PTPRT: variants seen among roughly 807,000 people sequenced by gnomAD.
PTPRT encodes the protein protein tyrosine phosphatase receptor type T.
PTPRT carries 56 observed loss-of-function variants against 176.8 expected under a neutral mutation model. The observed-to-expected ratio is 0.32, with a 90% CI of 0.26 to 0.40. The LOEUF (loss-of-function observed/expected upper bound fraction) is 0.40, where lower values mean the gene tolerates loss of function less well. Ranked by LOEUF, PTPRT falls within the 10% of genes least tolerant of loss-of-function variation. The pLI, the probability that PTPRT is intolerant of heterozygous loss-of-function variation, is 1.00. For missense variants in PTPRT, 1,540 were observed against 1,908.2 expected (o/e 0.81, Z 3.60); for synonymous variants, 783 against 739.0 (o/e 1.06, Z -0.96).
chr20:42,815,129 T>C (rs1049598583), intron 2 of PTPRT, among the ~76,000 whole-genome samples: 3 of 152,230 alleles, frequency 2.0e-5, no homozygotes, highest in African/African-American at 7.2e-5. Flanking sequence ...TATTCACTGA[T>C]GTTTTTGTAG....
At chr20:42,842,135 C>G (rs1003291225) in intron 2 of PTPRT, among the ~76,000 whole-genome samples, 1 of 152,228 alleles carries the variant, frequency 6.6e-6, no homozygotes, top group African/African-American at 2.4e-5. Context: ...AATCAGAAAA[C>G]TCCTGTATTC....
intron 7 of PTPRT, among the ~76,000 whole-genome samples, chr20:42,486,752 A>G (rs1045119508): frequency 8.5e-5 from 13 of 152,140 alleles, no homozygotes; most frequent in African/African-American, 3.1e-4. Flanking sequence ...ATGTATGCTT[A>G]TTCTACAAAC....
rs1983209675 is a variant in PTPRT, at chr20:42,080,463, G to A, written c.*416C>T. ...GCCTCAATCTTTTCCATGACGTAGA[G>A]GAGCAGAACACACATCTCCTCCACT... is the stretch of plus-strand genomic sequence containing the variant. On this transcript the variant is annotated 3_prime_UTR_variant, in exon 31 of 31. Transcript: ENST00000373187. 1.7e-5 allele frequency: 4 copies of A among 241,374 alleles called. No homozygotes were observed. Among genetic ancestry groups the A allele is most frequent in the Non-Finnish European group, 3.2e-5 (4 of 123,542 alleles). 15.0% of individuals were successfully genotyped at this position (241,374 alleles called of 1,614,324 possible). A position where few individuals can be genotyped will look rare whatever the true frequency, so the allele number is the denominator to read the frequency against.
chr20:42,269,943 C>T (rs930585960), intron 13 of PTPRT, among the ~76,000 whole-genome samples: 6 of 152,144 alleles, frequency 3.9e-5, no homozygotes, highest in African/African-American at 1.2e-4. Flanking sequence ...GCTCAGCTGT[C>T]GCTTCCCCTG....
rs970186428 is a variant in PTPRT, at chr20:42,529,778, C to T, written c.1154-57216G>A. On this transcript the variant is annotated intron_variant, in intron 7 of 30. Coordinates refer to ENST00000373187, the MANE Select transcript of PTPRT (RefSeq NM_007050.6). ...CTGGGATTACAGGGGTGAGCCACTA[C>T]GCCTGGCCTCAAAGTAAATTTTAAA... Among the ~76,000 whole-genome samples, 8 of 150,422 alleles carry T rather than the reference C, an allele frequency of 5.3e-5. No homozygotes were observed. The South Asian group carries it at 6.3e-4, about 12-fold the overall frequency.
At chr20:42,307,071 G>A (rs1372285984) in intron 12 of PTPRT, among the ~76,000 whole-genome samples, 2 of 152,154 alleles carry the variant, frequency 1.3e-5, no homozygotes, top group African/African-American at 4.8e-5. Context: ...AGAATATGAA[G>A]GGGAGGCTTA....
chr20:42,578,902 T>TTGG (rs1555882870), intron 7 of PTPRT, among the ~76,000 whole-genome samples: 4 of 139,782 alleles, frequency 2.9e-5, no homozygotes, highest in African/African-American at 1.1e-4. Context: ...TTTTTTTTTT[T>TTGG]GGGGGGGGGT....
intron 16 of PTPRT, among the ~76,000 whole-genome samples, chr20:42,163,594 A>G (rs1445289711): frequency 6.6e-6 from 1 of 152,240 alleles, no homozygotes; most frequent in Non-Finnish European, 1.5e-5. Flanking sequence ...GGCAATGCAG[A>G]CAGAAATACT....
At chr20:43,083,719 CA>C (rs1022924500) in intron 1 of PTPRT, among the ~76,000 whole-genome samples, 2 of 152,024 alleles carry the variant, frequency 1.3e-5, no homozygotes, top group African/African-American at 4.8e-5. Context: ...ACCATCACCA[CA>C]ATACAGTTTT....
In PTPRT at chr20:42,884,346, A is replaced by G. The variant is rs976136904; in HGVS notation, c.214+1461T>C. On this transcript the variant is annotated intron_variant, in intron 2 of 30. Transcript: ENST00000373187. Reference sequence around the variant, plus strand: ...AATTTATACAATTAATGCCCTTAATAGGAGCTATCCATAACCATCCAGTGC... The same window carrying G: ...AATTTATACAATTAATGCCCTTAATGGGAGCTATCCATAACCATCCAGTGC... 6.6e-5 allele frequency among the ~76,000 whole-genome samples: 10 copies of G among 152,182 alleles called. No individual in the cohort carries two copies. The South Asian group carries it at 2.1e-3, about 31-fold the overall frequency.
At chr20:42,127,685 G>C (rs1182003104) in intron 19 of PTPRT, among the ~76,000 whole-genome samples, 1 of 152,162 alleles carries the variant, frequency 6.6e-6, no homozygotes, top group African/African-American at 2.4e-5. Context: ...GAGGTCCTGA[G>C]ATGCATGGCT....
At chr20:42,681,224 T>C (rs1259212205) in intron 6 of PTPRT, among the ~76,000 whole-genome samples, 1 of 152,134 alleles carries the variant, frequency 6.6e-6, no homozygotes, top group Admixed American at 6.5e-5. Flanking sequence ...GAAGACAGTA[T>C]AGGAAATGTA....
rs534817327 is a variant in PTPRT at position 42,698,693 on chromosome 20, T to C, written c.860-20534A>G. Among the ~76,000 whole-genome samples, 7 of 152,260 alleles carry C rather than the reference T, an allele frequency of 4.6e-5. No homozygotes were observed. The South Asian group carries it at 8.3e-4, about 18-fold the overall frequency. On this transcript the variant is annotated intron_variant, in intron 6 of 30. Coordinates refer to ENST00000373187, the MANE Select transcript of PTPRT (RefSeq NM_007050.6). ...AATATGCAGCCAAGTTGGAGAAACA[T>C]TGGGAGGCATCATTTATTCATTCAT...
chr20:42,682,789 C>G (rs1327751797), intron 6 of PTPRT, among the ~76,000 whole-genome samples: 2 of 152,136 alleles, frequency 1.3e-5, no homozygotes, highest in African/African-American at 4.8e-5. Context: ...GTGAAGTGAC[C>G]CCTTCCTGTA....
chr20:42,636,511 T>C (rs972454633), intron 7 of PTPRT, among the ~76,000 whole-genome samples: 6 of 152,044 alleles, frequency 3.9e-5, no homozygotes, highest in African/African-American at 1.4e-4. Context: ...ATGGGCCAGA[T>C]GCAGTGGCTC....
At chr20:42,870,877 G>C (rs1174806832) in intron 2 of PTPRT, among the ~76,000 whole-genome samples, 1 of 151,868 alleles carries the variant, frequency 6.6e-6, no homozygotes, top group South Asian at 2.1e-4. Context: ...CCACCCTAAT[G>C]GGTGTAAGGT....
chr20:42,596,349 C>T (rs1331802502), intron 7 of PTPRT, among the ~76,000 whole-genome samples: 2 of 152,198 alleles, frequency 1.3e-5, no homozygotes, highest in African/African-American at 4.8e-5. Context: ...TTTGCAGTTC[C>T]TAACGTATTA....
At chr20:42,760,380 CT>C (rs754362528) in intron 5 of PTPRT, among the ~76,000 whole-genome samples, 2,435 of 94,136 alleles carry the variant, frequency 0.026, 71 homozygotes, top group African/African-American at 0.093. Flanking sequence ...TCTAAATCTG[CT>C]TTTTTTTTTT....
intron 2 of PTPRT, among the ~76,000 whole-genome samples, chr20:42,883,704 A>ACCCCC (rs1568658118): frequency 6.6e-5 from 9 of 136,496 alleles, no homozygotes; most frequent in African/African-American, 2.5e-4. Context: ...CCTCCCATAC[A>ACCCCC]CCCCCATACA....
Sources: allele counts gnomAD v4.1 joint callset (sites outside exome capture counted in the v4.1 genomes callset), GRCh38; gene constraint gnomAD v4.1.1; transcripts MANE v1.5; gene names NCBI Gene and HGNC (gene_info 2026-07-23, HGNC 2026-07-21).